The following IMMP2L variants were observed in gnomAD, a reference collection of about 807,000 sequenced individuals.
The protein encoded by IMMP2L is inner mitochondrial membrane peptidase subunit 2.
A neutral mutation model predicts 19.3 loss-of-function variants in IMMP2L; 18 were observed. The ratio of observed to expected loss-of-function variants is 0.93; its 90% CI spans 0.64 to 1.38. The LOEUF is 1.38. Among genes scored for constraint, IMMP2L ranks in the 40% most tolerant of loss-of-function variants. IMMP2L has a pLI of 0.00. For missense variants in IMMP2L, 233 were observed against 218.2 expected (o/e 1.07, Z -0.43); for synonymous variants, 76 against 73.0 (o/e 1.04, Z -0.21).
chr7:110,903,399 T>G (rs1198855041), intron 4 of IMMP2L, among the ~76,000 whole-genome samples: 1 of 152,186 alleles, frequency 6.6e-6, no homozygotes, highest in Non-Finnish European at 1.5e-5. Context: ...GCCTGCAGAT[T>G]AGTAACTCTT....
At chr7:110,774,614 C>T (rs893875338) in intron 5 of IMMP2L, among the ~76,000 whole-genome samples, 1 of 151,760 alleles carries the variant, frequency 6.6e-6, no homozygotes, top group Admixed American at 6.6e-5. Flanking sequence ...ATTATAATAC[C>T]ATATTTTTGC....
rs1279252161 is a variant in IMMP2L at position 111,242,997 on chromosome 7, AT to A, written c.239+244240del. 3.3e-5 allele frequency among the ~76,000 whole-genome samples: 5 copies of A among 152,116 alleles called. No individual in the cohort carries two copies. In the East Asian group the frequency reaches 7.7e-4, roughly 23 times the overall value. ...GGGAAGAAAAAGGAGATCTTAAAAT[AT>A]TTTTTTCTGTCATATCACAAATCTC... On this transcript the variant is annotated intron_variant, in intron 3 of 5. Coordinates refer to ENST00000405709, the MANE Select transcript of IMMP2L (RefSeq NM_032549.4).
chr7:111,391,715 T>A, intron 3 of IMMP2L: 2 of 508,968 alleles, frequency 3.9e-6, no homozygotes, highest in Middle Eastern at 3.6e-4. Flanking sequence ...GCAAATTTTT[T>A]AAAATAAAAA....
chr7:110,703,992 C>A (rs897163105), intron 5 of IMMP2L, among the ~76,000 whole-genome samples: 8 of 151,872 alleles, frequency 5.3e-5, no homozygotes, highest in Non-Finnish European at 1.2e-4. Context: ...ACTACAGGAG[C>A]CTGCCACCAC....
intron 5 of IMMP2L, among the ~76,000 whole-genome samples, chr7:110,869,822 C>G (rs537782178): frequency 1.3e-5 from 2 of 152,148 alleles, no homozygotes; most frequent in South Asian, 4.2e-4. Context: ...AGCTTTGGCT[C>G]CATCCTTCTT....
intron 3 of IMMP2L, among the ~76,000 whole-genome samples, chr7:111,377,033 GAATCATATGGTATATGAATTA>G (rs767092717): frequency 6.6e-6 from 1 of 151,826 alleles, no homozygotes; most frequent in African/African-American, 2.4e-5. Context: ...TCAAATGGGT[GAATCATATGGTATATGAATTA>G]AATTTCAGTA....
chr7:111,222,243 T>C (rs1449347236), intron 3 of IMMP2L, among the ~76,000 whole-genome samples: 3 of 151,832 alleles, frequency 2.0e-5, no homozygotes, highest in Non-Finnish European at 4.4e-5. Context: ...ATGTGAAAAG[T>C]AAAATATAGA....
intron 3 of IMMP2L, among the ~76,000 whole-genome samples, chr7:111,050,870 T>A (rs2129572865): frequency 6.6e-6 from 1 of 152,364 alleles, no homozygotes; most frequent in African/African-American, 2.4e-5. Context: ...GCACAGGATA[T>A]ATTCAAACTG....
chr7:110,747,902 A>T (rs980288758), intron 5 of IMMP2L, among the ~76,000 whole-genome samples: 1 of 152,232 alleles, frequency 6.6e-6, no homozygotes. Context: ...GGCCAGGGCA[A>T]TCAGGCAAGA....
At chr7:111,445,498 T>C (rs990826349) in intron 3 of IMMP2L, among the ~76,000 whole-genome samples, 19 of 151,984 alleles carry the variant, frequency 1.3e-4, no homozygotes, top group Admixed American at 1.2e-3. Flanking sequence ...TGATGAATAA[T>C]AAAGAAGTAT....
chr7:110,933,258 T>G (rs1431609575), intron 4 of IMMP2L, among the ~76,000 whole-genome samples: 2 of 152,124 alleles, frequency 1.3e-5, no homozygotes, highest in Non-Finnish European at 2.9e-5. Flanking sequence ...GAGGCAGTGA[T>G]TAAACACTGG....
intron 3 of IMMP2L, among the ~76,000 whole-genome samples, chr7:111,290,131 G>A (rs913774928): frequency 3.3e-5 from 5 of 152,112 alleles, no homozygotes; most frequent in Admixed American, 2.6e-4. Context: ...TGCTTCCCAT[G>A]CTCACAGCAG....
intron 3 of IMMP2L, among the ~76,000 whole-genome samples, chr7:110,987,135 G>A (rs1462458877): frequency 6.6e-6 from 1 of 152,022 alleles, no homozygotes; most frequent in Non-Finnish European, 1.5e-5. Context: ...TATAGTATAT[G>A]GACAGGTACT....
chr7:110,952,613 A>C (rs1231132130), intron 4 of IMMP2L, among the ~76,000 whole-genome samples: 3 of 152,150 alleles, frequency 2.0e-5, no homozygotes, highest in Non-Finnish European at 4.4e-5. Context: ...CAAAAGTATC[A>C]AAAGTTAGAA....
intron 3 of IMMP2L, among the ~76,000 whole-genome samples, chr7:111,323,091 AG>A (rs1400276885): frequency 6.6e-6 from 1 of 152,004 alleles, no homozygotes; most frequent in Non-Finnish European, 1.5e-5. Flanking sequence ...TTGAAAAGCT[AG>A]AAAAAGACTG....
At chr7:111,098,878 T>C (rs562434086) in intron 3 of IMMP2L, among the ~76,000 whole-genome samples, 10 of 151,878 alleles carry the variant, frequency 6.6e-5, no homozygotes, top group Middle Eastern at 3.4e-3. Context: ...CTAGTTGATA[T>C]CGCCTTCCAA....
rs1274779047 is a variant in IMMP2L, at chr7:111,338,990, TCC to T, written c.239+148246_239+148247del. On this transcript the variant is annotated intron_variant, in intron 3 of 5. Coordinates refer to ENST00000405709, the MANE Select transcript of IMMP2L (RefSeq NM_032549.4). ...TGATCCCAGTACACTACAAGTGAGC[TCC>T]TCTGGATTTTATTTGTACAAACGAT... Among the ~76,000 whole-genome samples, 14 of 152,194 alleles carry T rather than the reference TCC, an allele frequency of 9.2e-5. No homozygotes were observed. In the East Asian group the frequency reaches 2.1e-3, roughly 23 times the overall value.
chr7:111,125,116 C>T, intron 3 of IMMP2L: 1 of 441,822 alleles, frequency 2.3e-6, no homozygotes, highest in Non-Finnish European at 4.1e-6. Context: ...GGTACTGTGG[C>T]AACCAAATAA....
At chr7:111,483,303 T>C (rs1441497153) in intron 3 of IMMP2L, 3 of 152,152 alleles carry the variant, frequency 2.0e-5, no homozygotes, top group Non-Finnish European at 4.4e-5. Flanking sequence ...TGATATATTA[T>C]TGTGAAATAG....
Sources: allele counts gnomAD v4.1 joint callset (sites outside exome capture counted in the v4.1 genomes callset), GRCh38; gene constraint gnomAD v4.1.1; transcripts MANE v1.5; gene names NCBI Gene and HGNC (gene_info 2026-07-23, HGNC 2026-07-21).